The following LYPLAL1 variants were observed in gnomAD, a reference collection of about 807,000 sequenced individuals.
LYPLAL1 encodes lysophospholipase like 1.
A neutral mutation model predicts 19.7 loss-of-function variants in LYPLAL1; 23 were observed. The ratio of observed to expected loss-of-function variants is 1.17; its 90% CI spans 0.84 to 1.65. The LOEUF is 1.65. Among genes scored for constraint, LYPLAL1 ranks in the 40% most tolerant of loss-of-function variants. LYPLAL1 has a pLI of 0.00. For missense variants in LYPLAL1, 355 were observed against 279.4 expected (o/e 1.27, Z -1.93); for synonymous variants, 119 against 96.3 (o/e 1.24, Z -1.38).
intron 2 of LYPLAL1, 137 bp downstream of exon 2, chr1:219,179,383 T>C: frequency 1.4e-6 from 1 of 695,544 alleles, no homozygotes; most frequent in Non-Finnish European, 2.4e-6. Context: ...GTCCCCAGAA[T>C]GTATTCTTTA....
the LYPLAL1 span, chr1:219,223,183 C>T: frequency 6.6e-6 from 1 of 151,730 alleles, no homozygotes; most frequent in Non-Finnish European, 1.5e-5. Context: ...CCAAGCTTTT[C>T]CCACCTGAAA....
chr1:219,341,952 G>C, the LYPLAL1 span, among the ~76,000 whole-genome samples: 1 of 151,956 alleles, frequency 6.6e-6, no homozygotes, highest in African/African-American at 2.4e-5. Context: ...GTCAGGCTGG[G>C]GAAGAATAAC....
downstream of LYPLAL1, among the ~76,000 whole-genome samples, chr1:219,214,752 G>A (rs573856471): frequency 3.5e-4 from 51 of 143,952 alleles, no homozygotes; most frequent in African/African-American, 1.2e-3. Flanking sequence ...GTACAGTGGC[G>A]TGATCTCTGC....
the LYPLAL1 span, among the ~76,000 whole-genome samples, chr1:219,384,584 G>A: frequency 2.0e-5 from 3 of 152,066 alleles, no homozygotes; most frequent in East Asian, 5.8e-4. Flanking sequence ...CACAAATTAG[G>A]TCGGATGTCT....
chr1:219,355,015 C>G, the LYPLAL1 span, among the ~76,000 whole-genome samples: 7 of 152,096 alleles, frequency 4.6e-5, no homozygotes, highest in Non-Finnish European at 8.8e-5. Flanking sequence ...TCTTAAGGTT[C>G]TTAATTGAAG....
chr1:219,189,213 A>G (rs939012030), intron 2 of LYPLAL1, among the ~76,000 whole-genome samples: 1 of 151,730 alleles, frequency 6.6e-6, no homozygotes, highest in Non-Finnish European at 1.5e-5. Context: ...AGCCTATGAT[A>G]TCATCCTTAT....
At chr1:219,411,402 G>A in the LYPLAL1 span, among the ~76,000 whole-genome samples, 57 of 152,244 alleles carry the variant, frequency 3.7e-4, no homozygotes, top group African/African-American at 1.3e-3. Context: ...CTGCTCTGGT[G>A]GGGCCTTGGA....
At chr1:219,353,948 A>G in the LYPLAL1 span, among the ~76,000 whole-genome samples, 1 of 152,208 alleles carries the variant, frequency 6.6e-6, no homozygotes, top group Non-Finnish European at 1.5e-5. Context: ...AATCTCTGGA[A>G]CTGAAATAGA....
At chr1:219,392,006 C>T in the LYPLAL1 span, among the ~76,000 whole-genome samples, 1 of 152,148 alleles carries the variant, frequency 6.6e-6, no homozygotes, top group African/African-American at 2.4e-5. Context: ...TAAGACAAAG[C>T]ATCAGTGTTC....
At chr1:219,303,946 A>T in the LYPLAL1 span, among the ~76,000 whole-genome samples, 1 of 152,186 alleles carries the variant, frequency 6.6e-6, no homozygotes, top group Non-Finnish European at 1.5e-5. Flanking sequence ...TAACAGTATT[A>T]CCCAATTATT....
the LYPLAL1 span, among the ~76,000 whole-genome samples, chr1:219,392,435 G>A: frequency 2.0e-5 from 3 of 152,116 alleles, no homozygotes; most frequent in Non-Finnish European, 4.4e-5. Context: ...AACAGAAACT[G>A]ACAGTAAGTG....
chr1:219,285,510 C>T, the LYPLAL1 span, among the ~76,000 whole-genome samples: 1 of 152,150 alleles, frequency 6.6e-6, no homozygotes, highest in Non-Finnish European at 1.5e-5. Flanking sequence ...AGTGTTATAT[C>T]TGTGCAATGG....
chr1:219,412,448 TAAAATAGTA>T, the LYPLAL1 span, among the ~76,000 whole-genome samples: 2 of 152,214 alleles, frequency 1.3e-5, no homozygotes, highest in Non-Finnish European at 2.9e-5. Flanking sequence ...TTACTATTTT[TAAAATAGTA>T]GAAACTATAG....
At chr1:219,229,355 CAG>C in the LYPLAL1 span, among the ~76,000 whole-genome samples, 6 of 148,130 alleles carry the variant, frequency 4.1e-5, no homozygotes, top group Admixed American at 4.0e-4. Context: ...GGCTACCGAA[CAG>C]CAGAACCACG....
chr1:219,437,751 ATTTAT>A, the LYPLAL1 span, among the ~76,000 whole-genome samples: 3,910 of 143,500 alleles, frequency 0.027, 144 homozygotes, highest in African/African-American at 0.073. Context: ...ATTTTATTGT[ATTTAT>A]TTTATTTTAT....
At chr1:219,238,529 T>A in the LYPLAL1 span, among the ~76,000 whole-genome samples, 131 of 152,054 alleles carry the variant, frequency 8.6e-4, no homozygotes, top group African/African-American at 3.1e-3. Context: ...CTGAGATATG[T>A]TTTCTAGAAC....
chr1:219,381,918 A>C, the LYPLAL1 span, among the ~76,000 whole-genome samples: 2 of 152,160 alleles, frequency 1.3e-5, no homozygotes, highest in African/African-American at 2.4e-5. Context: ...GTCTGTATGG[A>C]TCTGTATGGA....
chr1:219,399,837 A>C, the LYPLAL1 span, among the ~76,000 whole-genome samples: 1 of 152,290 alleles, frequency 6.6e-6, no homozygotes, highest in Non-Finnish European at 1.5e-5. Flanking sequence ...CTAGGGTTAA[A>C]GTCTCCTATT....
chr1:219,277,035 G>A, the LYPLAL1 span, among the ~76,000 whole-genome samples: 2 of 152,046 alleles, frequency 1.3e-5, no homozygotes, highest in African/African-American at 2.4e-5. Flanking sequence ...AACCAAAGAG[G>A]CAAACTGCAG....
Sources: gnomAD v4.1 joint callset for allele counts (sites outside exome capture counted in the v4.1 genomes callset) on GRCh38, gnomAD v4.1.1 for gene constraint, MANE v1.5 for transcripts, NCBI Gene and HGNC (gene_info 2026-07-23, HGNC 2026-07-21) for gene names.